Variants in EGLN3 observed in about 807,000 individuals in gnomAD.
The protein encoded by EGLN3 is prolyl hydroxylase EGLN3.
In EGLN3, 15 loss-of-function variants were observed where a neutral mutation model predicts 26.0. That is an observed-to-expected ratio of 0.58 (90% CI 0.39 to 0.89). The LOEUF is 0.89. EGLN3 is among the 40% of genes least tolerant of loss of function. The pLI, the probability that EGLN3 is intolerant of heterozygous loss-of-function variation, is 0.00. For synonymous variants in EGLN3, 147 were observed against 127.2 expected (o/e 1.16, Z -1.05); for missense variants, 238 against 311.6 (o/e 0.76, Z 1.78).
chr14:33,927,951 GT>G (rs1345030612), intron 3 of EGLN3, among the ~76,000 whole-genome samples: 1 of 150,794 alleles, frequency 6.6e-6, no homozygotes, highest in African/African-American at 2.4e-5. Flanking sequence ...TTCATGCTTG[GT>G]TTTTTTTTAA....
intron 3 of EGLN3, among the ~76,000 whole-genome samples, chr14:33,927,784 T>C (rs753484105): frequency 2.0e-5 from 3 of 152,210 alleles, no homozygotes; most frequent in Non-Finnish European, 4.4e-5. Context: ...ACGACTTATG[T>C]AAATCACAGT....
At chr14:33,949,090 C>T (rs1197703764) in intron 1 of EGLN3, 1 of 152,210 alleles carries the variant, frequency 6.6e-6, no homozygotes, top group Non-Finnish European at 1.5e-5. Context: ...AAAGCAGTAT[C>T]TTCTAAGATT....
chr14:33,947,982 AG>A (rs2064530003), intron 1 of EGLN3, among the ~76,000 whole-genome samples: 1 of 152,184 alleles, frequency 6.6e-6, no homozygotes, highest in Non-Finnish European at 1.5e-5. Flanking sequence ...CAGGAGGCAG[AG>A]ATTGCAGTGA....
Position 33,944,037 on chromosome 14 carries a change from T to C in EGLN3, c.357+6359A>G, listed in dbSNP as rs113501760. 2.6e-3 allele frequency among the ~76,000 whole-genome samples: 400 copies of C among 152,300 alleles called. 2 individuals carry two copies. Among genetic ancestry groups the C allele is most frequent in the African/African-American group, 9.0e-3 (376 of 41,560 alleles). ...TATTTAAAATTCCCAAATAAAATGG[T>C]GATGCCACTGAATTAACCTACTGAC... is the stretch of plus-strand genomic sequence containing the variant. On this transcript the variant is annotated intron_variant, in intron 1 of 4. Transcript: ENST00000250457.
chr14:33,942,132 C>G (rs948997573), intron 1 of EGLN3, among the ~76,000 whole-genome samples: 2 of 152,108 alleles, frequency 1.3e-5, no homozygotes, highest in African/African-American at 4.8e-5. Flanking sequence ...CTACTACACT[C>G]TAGCAAAAGT....
chr14:33,928,988 C>A, intron 3 of EGLN3, 88 bp downstream of exon 3: 2 of 1,504,446 alleles, frequency 1.3e-6, no homozygotes, highest in Non-Finnish European at 1.8e-6. Context: ...CAATCCCCCA[C>A]ATGCACAGGA....
At position 33,931,309 on chromosome 14, in the gene EGLN3, G is replaced by C. The variant is rs1225259824; in HGVS notation, c.358-94C>G. The C allele has an allele frequency of 6.5e-6, 10 of 1,548,854 alleles. No homozygotes were observed. The East Asian group carries it at 2.3e-4, about 35-fold the overall frequency. ...GCAGATAAGTAACACAGTCTCCTTG[G>C]GTGTTACGTGACATTTACAGGTAGT... On this transcript the variant is annotated intron_variant, in intron 1 of 4. Transcript: ENST00000250457.
chr14:33,931,011 C>T, intron 2 of EGLN3, 85 bp downstream of exon 2: 1 of 1,552,176 alleles, frequency 6.4e-7, no homozygotes. Context: ...CAACTATGAA[C>T]TCAATATAAA....
chr14:33,927,999 GCTAACAATTT>G (rs2064374348), intron 3 of EGLN3, among the ~76,000 whole-genome samples: 1 of 151,858 alleles, frequency 6.6e-6, no homozygotes, highest in Non-Finnish European at 1.5e-5. Flanking sequence ...TACTTCCGTA[GCTAACAATTT>G]CTATAGCACT....
intron 1 of EGLN3, chr14:33,948,727 T>C (rs868516031): frequency 6.6e-6 from 1 of 152,286 alleles, no homozygotes; most frequent in South Asian, 2.1e-4. Flanking sequence ...GTGGCCTCTT[T>C]CCATACCAAT....
At chr14:33,928,959 A>C in intron 3 of EGLN3, 117 bp downstream of exon 3, 1 of 1,276,756 alleles carries the variant, frequency 7.8e-7, no homozygotes, top group Non-Finnish European at 1.1e-6. Flanking sequence ...CAAGTTTGCT[A>C]TCAGCTATGG....
Position 33,925,753 on chromosome 14 carries a change from A to G in EGLN3, c.*138T>C, listed in dbSNP as rs976520592. On this transcript the variant is annotated 3_prime_UTR_variant, in exon 5 of 5. Transcript: ENST00000250457. ...CAAGAAAACATGAAGTACCACACAC[A>G]AGACAGGGATGTGAAGGATGCAAGA... The G allele has an allele frequency of 5.5e-5, 52 of 945,530 alleles. No individual in the cohort carries two copies. Among genetic ancestry groups the G allele is most frequent in the East Asian group, 1.5e-4 (6 of 41,004 alleles). 58.6% of individuals were successfully genotyped at this position (945,530 alleles called of 1,614,324 possible).
chr14:33,936,819 T>TA lies in EGLN3; in HGVS notation c.358-5605dup, dbSNP rs34416259. 4.3e-3 allele frequency among the ~76,000 whole-genome samples: 640 copies of TA among 148,578 alleles called. 1 individual carries two copies. Among genetic ancestry groups the TA allele is most frequent in the East Asian group, 7.9e-3 (40 of 5,094 alleles). ...AGACATGCCCTTTACAAGTTTTATT[T>TA]AAAAAAAAAAAAATCTAAAGACAAA... On this transcript the variant is annotated intron_variant, in intron 1 of 4. Coordinates refer to ENST00000250457, the MANE Select transcript of EGLN3 (RefSeq NM_022073.4).
intron 3 of EGLN3, among the ~76,000 whole-genome samples, chr14:33,927,862 A>C (rs2064373171): frequency 6.6e-6 from 1 of 152,204 alleles, no homozygotes; most frequent in Admixed American, 6.5e-5. Context: ...TTGAATAATA[A>C]TAATGCCCCA....
intron 1 of EGLN3, among the ~76,000 whole-genome samples, chr14:33,941,553 C>G (rs1306084570): frequency 7.1e-6 from 1 of 140,396 alleles, no homozygotes. Context: ...TCCCCTCTAT[C>G]CCCCCCAAAA....
chr14:33,929,320 ATGC>A, intron 2 of EGLN3, 108 bp from the exon 3 acceptor site: 1 of 1,342,792 alleles, frequency 7.4e-7, no homozygotes, highest in East Asian at 2.4e-5. Flanking sequence ...ACCACTCCAA[ATGC>A]ATGGTACCCC....
intron 1 of EGLN3, among the ~76,000 whole-genome samples, chr14:33,938,077 T>A (rs76781867): frequency 4.4e-4 from 67 of 152,310 alleles, no homozygotes; most frequent in African/African-American, 1.5e-3. Flanking sequence ...CCAGGCACAA[T>A]AGCCCTTTGA....
At chr14:33,946,509 T>G (rs1223825908) in intron 1 of EGLN3, among the ~76,000 whole-genome samples, 1 of 152,172 alleles carries the variant, frequency 6.6e-6, no homozygotes, top group Non-Finnish European at 1.5e-5. Context: ...CAAGTGTGAA[T>G]GAGACCATCC....
chr14:33,926,063 C>G (rs906437859), intron 4 of EGLN3, 141 bp from the exon 5 acceptor site: 19 of 776,432 alleles, frequency 2.4e-5, no homozygotes, highest in Admixed American at 1.4e-4. Flanking sequence ...CCAAAGGATT[C>G]TCTCTTGACT....
Sources: gnomAD v4.1 joint callset for allele counts (sites outside exome capture counted in the v4.1 genomes callset) on GRCh38, gnomAD v4.1.1 for gene constraint, MANE v1.5 for transcripts, NCBI Gene and HGNC (gene_info 2026-07-23, HGNC 2026-07-21) for gene names.